The following NDUFS6 variants were observed in gnomAD, a reference collection of about 807,000 sequenced individuals.
NDUFS6 encodes the protein NADH:ubiquinone oxidoreductase subunit S6.
In NDUFS6, 14 loss-of-function variants were observed where a neutral mutation model predicts 13.2. That is an observed-to-expected ratio of 1.06 (90% CI 0.70 to 1.66). The LOEUF (loss-of-function observed/expected upper bound fraction) is 1.66, where lower values mean the gene tolerates loss of function less well. Among genes scored for constraint, NDUFS6 ranks in the 40% most tolerant of loss-of-function variants. The pLI is 0.00. For synonymous variants in NDUFS6, 95 were observed against 72.3 expected (o/e 1.31, Z -1.60); for missense variants, 206 against 170.8 (o/e 1.21, Z -1.15).
Position 1,815,841 on chromosome 5 carries a change from AT to A in NDUFS6, c.310-4del. On this transcript the variant is annotated splice_polypyrimidine_tract_variant and intron_variant, in intron 3 of 3. Transcript: ENST00000274137. ...GGAAATATGACATCATTCCTTTTGA[AT>A]TTTTTCAGGACAAAGAAACAAAAAC... The A allele has an allele frequency of 6.2e-7, 1 of 1,613,994 alleles. No individual in the cohort carries two copies. Among genetic ancestry groups the A allele is most frequent in the South Asian group, 1.1e-5 (1 of 91,086 alleles).
intron 2 of NDUFS6, among the ~76,000 whole-genome samples, chr5:1,809,847 G>A (rs762904468): frequency 9.8e-5 from 15 of 152,398 alleles, no homozygotes; most frequent in Non-Finnish European, 2.1e-4. Flanking sequence ...CCGCCGGGCC[G>A]GCAGCAGAGG....
In NDUFS6 at chr5:1,814,791, A is replaced by G; in HGVS notation, c.309+330A>G. The G allele has an allele frequency of 1.5e-6, 1 of 666,350 alleles. No individual in the cohort carries two copies. Among genetic ancestry groups the G allele is most frequent in the Non-Finnish European group, 2.7e-6 (1 of 368,168 alleles). 41.3% of individuals were successfully genotyped at this position (666,350 alleles called of 1,614,324 possible). A position where few individuals can be genotyped will look rare whatever the true frequency, so the allele number is the denominator to read the frequency against. On this transcript the variant is annotated intron_variant, in intron 3 of 3. Transcript: ENST00000274137. This position sits in a 1 kb window ranked among gnomAD's most constrained non-coding sequence, Gnocchi z 4.9. Reference sequence around the variant, plus strand: ...CACACAGCACCGCAGGCTGGGGTCGAAAACAACAAACACATTTCCCACAGC... The same window carrying G: ...CACACAGCACCGCAGGCTGGGGTCGGAAACAACAAACACATTTCCCACAGC...
chr5:1,802,884 T>G (rs1185355135), intron 2 of NDUFS6, among the ~76,000 whole-genome samples: 5 of 151,442 alleles, frequency 3.3e-5, no homozygotes, highest in Non-Finnish European at 7.4e-5. Flanking sequence ...GAAAGAATGT[T>G]GAAATTAGAA....
At chr5:1,809,334 C>T (rs1734182084) in intron 2 of NDUFS6, among the ~76,000 whole-genome samples, 1 of 152,170 alleles carries the variant, frequency 6.6e-6, no homozygotes, top group South Asian at 2.1e-4. Flanking sequence ...CTCACCTTTC[C>T]CCAGGTGAAA....
At chr5:1,813,759 AAG>A (rs2111361029) in intron 2 of NDUFS6, among the ~76,000 whole-genome samples, 1 of 152,016 alleles carries the variant, frequency 6.6e-6, no homozygotes, top group East Asian at 1.9e-4. Context: ...AGCAGCAAAC[AAG>A]AGAAAACACT....
intron 2 of NDUFS6, among the ~76,000 whole-genome samples, chr5:1,809,705 G>A (rs1734188955): frequency 6.6e-6 from 1 of 152,244 alleles, no homozygotes; most frequent in Non-Finnish European, 1.5e-5. Context: ...GTGACACGTT[G>A]TCACTTAGGC....
At chr5:1,805,896 C>T (rs186795694) in intron 2 of NDUFS6, among the ~76,000 whole-genome samples, 34 of 152,130 alleles carry the variant, frequency 2.2e-4, no homozygotes, top group African/African-American at 7.7e-4. Context: ...CAGGCTCCTG[C>T]GCTGATGGGC....
At chr5:1,810,752 C>G (rs1412939853) in intron 2 of NDUFS6, among the ~76,000 whole-genome samples, 1 of 151,566 alleles carries the variant, frequency 6.6e-6, no homozygotes, top group African/African-American at 2.4e-5. Flanking sequence ...CAGTCCGGCT[C>G]AGCTCTGCTA....
At position 1,816,001 on chromosome 5, in the gene NDUFS6, C is replaced by G; in HGVS notation, c.*85C>G. 7.1e-7 allele frequency: 1 copy of G among 1,409,806 alleles called. No homozygotes were observed. The highest frequency in any genetic ancestry group is 1.0e-6 in the Non-Finnish European group (1 of 993,490). The allele number at this position is 1,409,806 out of a possible 1,614,324, so 87.3% of individuals were successfully genotyped here. A position where few individuals can be genotyped will look rare whatever the true frequency, so the allele number is the denominator to read the frequency against. The stretch of plus-strand genomic sequence containing the variant: ...GCACGTGAAGCTCGCTGGTTCTGTG[C>G]GAAGGGTATTCCTGGTGCTGAATAA... On this transcript the variant is annotated 3_prime_UTR_variant, in exon 4 of 4. Coordinates refer to ENST00000274137, the MANE Select transcript of NDUFS6 (RefSeq NM_004553.6).
chr5:1,815,368 A>C (rs1734292641), intron 3 of NDUFS6, among the ~76,000 whole-genome samples: 1 of 152,216 alleles, frequency 6.6e-6, no homozygotes, highest in African/African-American at 2.4e-5. Context: ...GTCCTGGTTA[A>C]GGGACTTTAA....
intron 2 of NDUFS6, among the ~76,000 whole-genome samples, chr5:1,804,168 G>T (rs570024824): frequency 1.1e-4 from 17 of 152,362 alleles, no homozygotes; most frequent in African/African-American, 3.4e-4. Flanking sequence ...AGGAGCCCCA[G>T]ATTGAGCAGT....
chr5:1,814,159 A>G lies in NDUFS6; in HGVS notation c.187-180A>G, dbSNP rs1734265017. ...CTCTCCGCGTTTGGAACTTTATTCC[A>G]GTGAAAAGTAGATGTGTGTGTAGGC... On this transcript the variant is annotated intron_variant, in intron 2 of 3. Coordinates refer to ENST00000274137, the MANE Select transcript of NDUFS6 (RefSeq NM_004553.6). The surrounding 1 kb of genome is among the most constrained non-coding windows in gnomAD (Gnocchi z 4.9). Among the ~76,000 whole-genome samples the G allele has an allele frequency of 6.6e-6, 1 of 152,226 alleles. No homozygotes were observed. The highest frequency in any genetic ancestry group is 2.1e-4 in the South Asian group (1 of 4,828).
At chr5:1,810,345 T>C (rs377339460) in intron 2 of NDUFS6, among the ~76,000 whole-genome samples, 9 of 152,068 alleles carry the variant, frequency 5.9e-5, no homozygotes, top group African/African-American at 2.2e-4. Flanking sequence ...CTGCTGGGGG[T>C]GTAGAGTTGA....
Position 1,801,454 on chromosome 5 carries a change from C to A in NDUFS6, c.37C>A (p.Arg13=), listed in dbSNP as rs372994558. The A allele has an allele frequency of 1.4e-5, 23 of 1,604,962 alleles. No individual in the cohort carries two copies. Among genetic ancestry groups the A allele is most frequent in the Non-Finnish European group, 1.8e-5 (21 of 1,178,692 alleles). The part of the protein sequence containing the change: ...AAMTFCRLLN[R]CGEAARSLPL... ...GATGACCTTCTGCCGGCTGCTGAAC[C>A]GGTGTGGCGAGGCGGCGCGGAGCCT... The change falls in exon 1 of 4, where the codon CGG becomes AGG. Residue 13 remains arginine (R), a synonymous_variant. Coordinates refer to ENST00000274137, the MANE Select transcript of NDUFS6 (RefSeq NM_004553.6).
Position 1,802,359 on chromosome 5 carries a change from A to T in NDUFS6, c.171A>T (p.Val57=). ...AAGACTACAGGAGAATTCGGTTTGT[A>T]GGTCGTCAGAAAGAGGTGAGTAAAA... is the stretch of plus-strand genomic sequence containing the variant. The part of the protein sequence containing the change: ...DDKDYRRIRF[V]GRQKEVNENF... The change falls in exon 2 of 4, where the codon GTA becomes GTT. Residue 57 remains valine, a synonymous_variant. Transcript: ENST00000274137. The T allele has an allele frequency of 6.2e-7, 1 of 1,614,080 alleles. No individual in the cohort carries two copies. The highest frequency in any genetic ancestry group is 8.5e-7 in the Non-Finnish European group (1 of 1,179,960).
intron 2 of NDUFS6, among the ~76,000 whole-genome samples, chr5:1,810,390 C>G (rs1358958202): frequency 6.6e-6 from 1 of 152,146 alleles, no homozygotes; most frequent in Admixed American, 6.5e-5. Context: ...TGCCGGCGCT[C>G]TACTTCCCAT....
rs760726323 is a variant in NDUFS6, at chr5:1,814,552, T to C, written c.309+91T>C. 1 of 1,592,834 alleles carries C rather than the reference T, an allele frequency of 6.3e-7. No homozygotes were observed. The highest frequency in any genetic ancestry group is 1.1e-5 in the South Asian group (1 of 89,808). On this transcript the variant is annotated intron_variant, in intron 3 of 3. Coordinates refer to ENST00000274137, the MANE Select transcript of NDUFS6 (RefSeq NM_004553.6). The surrounding 1 kb of genome is among the most constrained non-coding windows in gnomAD (Gnocchi z 4.9). ...CCAGTGCCTGTTCTTTCTGTCCTCT[T>C]CTCTACCTGCTCCCGAGGCGGCCCT...
Position 1,801,540 on chromosome 5 carries a change from C to T in NDUFS6, c.123C>T (p.His41=), listed in dbSNP as rs1734041370. Residue 41 remains histidine, a synonymous_variant, in exon 1 of 4, where the codon CAC becomes CAT. Coordinates refer to ENST00000274137, the MANE Select transcript of NDUFS6 (RefSeq NM_004553.6). The part of the protein sequence containing the change: ...RVSPTGEKVT[H]TGQVYDDKDY... ...CGCCGACCGGGGAGAAGGTCACGCA[C>T]ACTGGCCAGGTAACGGCCGCTGGGT... The T allele has an allele frequency of 1.3e-6, 2 of 1,588,920 alleles. No homozygotes were observed. The highest frequency in any genetic ancestry group is 1.7e-6 in the Non-Finnish European group (2 of 1,174,736).
intron 2 of NDUFS6, among the ~76,000 whole-genome samples, chr5:1,813,987 C>T (rs1480180869): frequency 6.6e-6 from 1 of 152,114 alleles, no homozygotes; most frequent in African/African-American, 2.4e-5. Flanking sequence ...ACAGACAGGC[C>T]CGAGCAATAC....
Sources: gnomAD v4.1 joint callset for allele counts (sites outside exome capture counted in the v4.1 genomes callset) on GRCh38, gnomAD v4.1.1 for gene constraint, Gnocchi (gnomAD v3.1) non-coding constraint, MANE v1.5 for transcripts, NCBI Gene and HGNC (gene_info 2026-07-23, HGNC 2026-07-21) for gene names.